Variants in THEMIS observed in about 807,000 individuals in gnomAD.
THEMIS encodes thymocyte selection associated.
Under a neutral mutation model 52.6 loss-of-function variants are expected in THEMIS, and 37 were observed. The observed-to-expected ratio is 0.70, with a 90% CI of 0.54 to 0.93. THEMIS has a LOEUF of 0.93. THEMIS is among the 40% of genes least tolerant of loss of function. The probability of loss-of-function intolerance (pLI) is 0.00; values close to 1 mark genes in which losing one functional copy is unlikely to be tolerated. For missense variants in THEMIS, 808 were observed against 763.1 expected (o/e 1.06, Z -0.69); for synonymous variants, 292 against 272.7 (o/e 1.07, Z -0.70).
chr6:127,835,184 T>C (rs1052968949), intron 2 of THEMIS, among the ~76,000 whole-genome samples: 1 of 152,102 alleles, frequency 6.6e-6, no homozygotes, highest in African/African-American at 2.4e-5. Flanking sequence ...GTTAAGAGGA[T>C]CTTCACAATA....
intron 5 of THEMIS, among the ~76,000 whole-genome samples, chr6:127,716,273 A>G (rs1005573352): frequency 6.6e-6 from 1 of 151,878 alleles, no homozygotes; most frequent in Non-Finnish European, 1.5e-5. Flanking sequence ...AAGAAAAAGG[A>G]AAATGGCCCC....
intron 1 of THEMIS, among the ~76,000 whole-genome samples, chr6:127,879,849 G>A (rs1780425956): frequency 6.6e-6 from 1 of 151,878 alleles, no homozygotes; most frequent in African/African-American, 2.4e-5. Flanking sequence ...GGCTGCCTAG[G>A]CCACTTCCAC....
chr6:127,720,281 T>C (rs1394592686), intron 4 of THEMIS, among the ~76,000 whole-genome samples: 3 of 151,972 alleles, frequency 2.0e-5, no homozygotes, highest in Admixed American at 6.6e-5. Flanking sequence ...TTAAACCACA[T>C]TTTTAATCAG....
In THEMIS at chr6:127,890,782, A is replaced by C. The variant is rs190332591; in HGVS notation, c.91+10060T>G. Among the ~76,000 whole-genome samples, 32 of 152,198 alleles carry C rather than the reference A, an allele frequency of 2.1e-4. 1 individual carries two copies. In the East Asian group the frequency reaches 4.8e-3, roughly 23 times the overall value. On this transcript the variant is annotated intron_variant, in intron 1 of 5. Transcript: ENST00000368248. ...ACAGCTTTTGTGAGAAAAATAGTGT[A>C]TATTATTAACAAAAATTAAAATTGT... is the stretch of plus-strand genomic sequence containing the variant.
intron 5 of THEMIS, 78 bp downstream of exon 5, chr6:127,719,610 A>T: frequency 7.6e-7 from 1 of 1,315,720 alleles, no homozygotes; most frequent in Non-Finnish European, 1.0e-6. Context: ...AAATAATAGT[A>T]AGAATCTGTC....
chr6:127,847,161 AC>A (rs1779242843), intron 2 of THEMIS, among the ~76,000 whole-genome samples: 1 of 152,032 alleles, frequency 6.6e-6, no homozygotes, highest in Non-Finnish European at 1.5e-5. Flanking sequence ...CATATGACAA[AC>A]CCACAGCCAA....
chr6:127,707,960 C>T (rs1289958528), downstream of THEMIS: 1 of 152,004 alleles, frequency 6.6e-6, no homozygotes, highest in Non-Finnish European at 1.5e-5. Flanking sequence ...AGTTTTGGCA[C>T]CTATCTATGC....
chr6:127,867,033 T>C (rs1780003499), intron 1 of THEMIS, among the ~76,000 whole-genome samples: 1 of 151,706 alleles, frequency 6.6e-6, no homozygotes, highest in Non-Finnish European at 1.5e-5. Flanking sequence ...TTCTGTGCTA[T>C]AGAAAAGGAG....
intron 1 of THEMIS, chr6:127,868,343 A>G (rs1355763082): frequency 7.3e-6 from 5 of 689,164 alleles, no homozygotes; most frequent in Non-Finnish European, 8.9e-6. Flanking sequence ...GTGTCCTCCT[A>G]TGGATGGGGC....
intron 4 of THEMIS, among the ~76,000 whole-genome samples, chr6:127,743,623 A>C (rs1445018758): frequency 6.6e-6 from 1 of 152,156 alleles, no homozygotes. Flanking sequence ...TTGCAGGCAG[A>C]TGCTGAATTC....
chr6:127,825,103 T>C (rs1583319902), intron 3 of THEMIS, among the ~76,000 whole-genome samples: 1 of 152,002 alleles, frequency 6.6e-6, no homozygotes, highest in South Asian at 2.1e-4. Context: ...GGAAATGTAG[T>C]TATGAAAATT....
chr6:127,859,307 T>G (rs1400913194), intron 1 of THEMIS, among the ~76,000 whole-genome samples: 1 of 152,166 alleles, frequency 6.6e-6, no homozygotes, highest in East Asian at 1.9e-4. Flanking sequence ...TACACCTAAG[T>G]AAGAATTAAT....
At chr6:127,888,296 C>G (rs1303297268) in intron 1 of THEMIS, among the ~76,000 whole-genome samples, 3 of 151,984 alleles carry the variant, frequency 2.0e-5, no homozygotes, top group African/African-American at 7.2e-5. Context: ...AGAGGAGTGA[C>G]ATAATCTGAC....
At chr6:127,776,333 T>C (rs1038914308) in intron 4 of THEMIS, among the ~76,000 whole-genome samples, 2 of 152,234 alleles carry the variant, frequency 1.3e-5, no homozygotes, top group Admixed American at 1.3e-4. Context: ...ATAAAGCAGA[T>C]GTGATGGAAT....
chr6:127,871,685 T>A (rs1177756026), intron 1 of THEMIS, among the ~76,000 whole-genome samples: 2 of 152,052 alleles, frequency 1.3e-5, no homozygotes, highest in Non-Finnish European at 2.9e-5. Flanking sequence ...ATTTGACAAT[T>A]TAGTTGAAAT....
At chr6:127,806,802 A>C (rs1286724250) in intron 4 of THEMIS, among the ~76,000 whole-genome samples, 1 of 152,208 alleles carries the variant, frequency 6.6e-6, no homozygotes, top group East Asian at 1.9e-4. Flanking sequence ...CCAGAAGCAC[A>C]AAAAGAGCTT....
chr6:127,708,200 T>C lies in THEMIS; in HGVS notation c.*1785A>G, dbSNP rs1773854010. 1 of 152,022 alleles carries C rather than the reference T, an allele frequency of 6.6e-6. No homozygotes were observed. The highest frequency in any genetic ancestry group is 2.1e-4 in the South Asian group (1 of 4,826). The allele number at this position is 152,022 out of a possible 1,614,324, so 9.4% of individuals were successfully genotyped here. A position where few individuals can be genotyped will look rare whatever the true frequency, so the allele number is the denominator to read the frequency against. On this transcript the variant is annotated 3_prime_UTR_variant, in exon 6 of 6. Coordinates refer to ENST00000368248, the MANE Select transcript of THEMIS (RefSeq NM_001010923.3). ...AAACATAGAAGAGAACACATACAAA[T>C]AAAAATTAGGAAGTTTATTTTCAAC... is the stretch of plus-strand genomic sequence containing the variant.
intron 4 of THEMIS, among the ~76,000 whole-genome samples, chr6:127,801,504 A>G (rs1426209337): frequency 6.6e-6 from 1 of 152,174 alleles, no homozygotes; most frequent in Non-Finnish European, 1.5e-5. Flanking sequence ...GGACCCTGCA[A>G]CTTGGAATGA....
chr6:127,757,940 T>C (rs1775890588), intron 4 of THEMIS, among the ~76,000 whole-genome samples: 1 of 152,016 alleles, frequency 6.6e-6, no homozygotes, highest in Non-Finnish European at 1.5e-5. Context: ...GATTGATAGG[T>C]ACATACATAC....
Sources: gnomAD v4.1 joint callset for allele counts (sites outside exome capture counted in the v4.1 genomes callset) on GRCh38, gnomAD v4.1.1 for gene constraint, MANE v1.5 for transcripts, NCBI Gene and HGNC (gene_info 2026-07-23, HGNC 2026-07-21) for gene names.